DDX10: variants seen among roughly 807,000 people sequenced by gnomAD.
The protein encoded by DDX10 is DEAD-box helicase 10.
In DDX10, 74 loss-of-function variants were observed where a neutral mutation model predicts 104.3. The ratio of observed to expected loss-of-function variants is 0.71; its 90% CI spans 0.59 to 0.86. The LOEUF (loss-of-function observed/expected upper bound fraction) is 0.86. Among genes scored for constraint, DDX10 ranks in the 40% least tolerant of loss-of-function variants. The pLI is 0.00. For missense variants in DDX10, 952 were observed against 1,040.0 expected (o/e 0.92, Z 1.16); for synonymous variants, 351 against 353.4 (o/e 0.99, Z 0.08).
At chr11:108,758,817 G>C (rs1396958402) in intron 13 of DDX10, among the ~76,000 whole-genome samples, 5 of 152,046 alleles carry the variant, frequency 3.3e-5, no homozygotes, top group African/African-American at 9.7e-5. Context: ...AAAGTTAGCT[G>C]ATTAACTGCC....
intron 13 of DDX10, among the ~76,000 whole-genome samples, chr11:108,727,982 T>C (rs899348903): frequency 6.6e-6 from 1 of 151,874 alleles, no homozygotes; most frequent in Non-Finnish European, 1.5e-5. Context: ...ATGATCCTTA[T>C]GGGTACATTT....
rs11212761 is a variant in DDX10, at chr11:108,710,043, A to G, written c.1322+3206A>G. ...TGAATACTGTGGGCAATTGAACACA[A>G]TGGTAGGTATTTGTGTATCTAAGCA... On this transcript the variant is annotated intron_variant, in intron 10 of 17. Coordinates refer to ENST00000322536, the MANE Select transcript of DDX10 (RefSeq NM_004398.4). 2.6e-3 allele frequency among the ~76,000 whole-genome samples: 393 copies of G among 152,324 alleles called. 3 individuals are homozygous for G. The highest frequency in any genetic ancestry group is 8.8e-3 in the African/African-American group (365 of 41,568).
intron 13 of DDX10, among the ~76,000 whole-genome samples, chr11:108,803,368 C>T (rs543996484): frequency 2.6e-5 from 4 of 151,480 alleles, no homozygotes; most frequent in Non-Finnish European, 4.4e-5. Context: ...CCGAGGTGGG[C>T]GGATCACCTG....
chr11:108,809,932 A>G (rs1031785159), intron 13 of DDX10, among the ~76,000 whole-genome samples: 18 of 152,352 alleles, frequency 1.2e-4, no homozygotes, highest in South Asian at 4.1e-4. Flanking sequence ...AAGAAGCGGT[A>G]ATAAACATGT....
At chr11:108,771,301 G>C (rs2134526833) in intron 13 of DDX10, among the ~76,000 whole-genome samples, 1 of 151,972 alleles carries the variant, frequency 6.6e-6, no homozygotes, top group African/African-American at 2.4e-5. Flanking sequence ...CATTCTGTGG[G>C]GGTGTCTCTT....
chr11:108,911,665 T>C (rs537875704), intron 16 of DDX10, among the ~76,000 whole-genome samples: 2 of 140,596 alleles, frequency 1.4e-5, no homozygotes, highest in South Asian at 4.9e-4. Context: ...CCTCTTGGGC[T>C]CAAGCCATTC....
At chr11:108,906,487 T>C (rs1163148142) in intron 16 of DDX10, among the ~76,000 whole-genome samples, 1 of 152,162 alleles carries the variant, frequency 6.6e-6, no homozygotes, top group Non-Finnish European at 1.5e-5. Flanking sequence ...CAGCCTTGAA[T>C]GGTAGATGTC....
At chr11:108,782,287 C>A (rs564556971) in intron 13 of DDX10, among the ~76,000 whole-genome samples, 1 of 152,284 alleles carries the variant, frequency 6.6e-6, no homozygotes, top group East Asian at 1.9e-4. Context: ...ACCCTGTATT[C>A]TTCAGAGAAA....
intron 16 of DDX10, among the ~76,000 whole-genome samples, chr11:108,879,414 A>G (rs988207679): frequency 2.0e-5 from 3 of 152,218 alleles, no homozygotes; most frequent in South Asian, 2.1e-4. Context: ...AGTGTATACT[A>G]TAGTTTAGAT....
chr11:108,680,224 C>T (rs939020715), intron 6 of DDX10, among the ~76,000 whole-genome samples: 3 of 152,080 alleles, frequency 2.0e-5, no homozygotes, highest in Non-Finnish European at 2.9e-5. Context: ...TTATTTATCT[C>T]TTTTTTTCGA....
chr11:108,851,269 C>T (rs900480646), intron 15 of DDX10, among the ~76,000 whole-genome samples: 2 of 152,098 alleles, frequency 1.3e-5, no homozygotes, highest in African/African-American at 4.8e-5. Flanking sequence ...TACATGTATC[C>T]ACAAGCTAAA....
intron 15 of DDX10, among the ~76,000 whole-genome samples, chr11:108,849,191 T>G (rs1250617234): frequency 6.6e-6 from 1 of 152,136 alleles, no homozygotes; most frequent in Non-Finnish European, 1.5e-5. Flanking sequence ...ACTTAACCAT[T>G]CTCATGATCT....
chr11:108,858,618 A>T (rs115665018), intron 16 of DDX10, among the ~76,000 whole-genome samples: 1 of 152,144 alleles, frequency 6.6e-6, no homozygotes, highest in African/African-American at 2.4e-5. Context: ...TATTAAGATG[A>T]TAGATTCTTA....
chr11:108,921,571 AT>A (rs1384541774), intron 17 of DDX10: 2 of 152,222 alleles, frequency 1.3e-5, no homozygotes, highest in Non-Finnish European at 2.9e-5. Flanking sequence ...CTTGGACATC[AT>A]CACATCTCTC....
chr11:108,683,577 G>A (rs1451718146), intron 6 of DDX10, among the ~76,000 whole-genome samples: 1 of 152,124 alleles, frequency 6.6e-6, no homozygotes, highest in Non-Finnish European at 1.5e-5. Flanking sequence ...TGCTTTTGTA[G>A]TTGCTATTCT....
chr11:108,898,281 G>A (rs888578077), intron 16 of DDX10, among the ~76,000 whole-genome samples: 1 of 152,020 alleles, frequency 6.6e-6, no homozygotes, highest in Non-Finnish European at 1.5e-5. Flanking sequence ...AGCCCGCTAT[G>A]GATGGGACTT....
At chr11:108,915,030 G>C (rs1863728589) in intron 16 of DDX10, among the ~76,000 whole-genome samples, 1 of 152,116 alleles carries the variant, frequency 6.6e-6, no homozygotes, top group African/African-American at 2.4e-5. Flanking sequence ...TATGAGACCT[G>C]TGAAGTAGTC....
intron 11 of DDX10, 32 bp downstream of exon 11, chr11:108,715,998 G>T: frequency 8.7e-7 from 1 of 1,151,704 alleles, no homozygotes; most frequent in South Asian, 1.3e-5. Flanking sequence ...TACTTTCATT[G>T]ACTGGAAAAA....
chr11:108,674,366 T>C (rs1185920841), intron 2 of DDX10, among the ~76,000 whole-genome samples: 1 of 152,170 alleles, frequency 6.6e-6, no homozygotes, highest in African/African-American at 2.4e-5. Flanking sequence ...TGCTGTGGAA[T>C]GGCTAAATCA....
Sources: gnomAD v4.1 joint callset for allele counts (sites outside exome capture counted in the v4.1 genomes callset) on GRCh38, gnomAD v4.1.1 for gene constraint, MANE v1.5 for transcripts, NCBI Gene and HGNC (gene_info 2026-07-23, HGNC 2026-07-21) for gene names.